Variants in MTHFD2L observed in about 807,000 individuals in gnomAD.
The protein encoded by MTHFD2L is bifunctional methylenetetrahydrofolate dehydrogenase/cyclohydrolase 2, mitochondrial.
Under a neutral mutation model 34.9 loss-of-function variants are expected in MTHFD2L, and 29 were observed. The observed-to-expected ratio is 0.83, with a 90% confidence interval of 0.62 to 1.13. MTHFD2L has a LOEUF of 1.13. Ranked by LOEUF, MTHFD2L falls within the 50% of genes most tolerant of loss-of-function variation. The pLI is 0.00. For missense variants in MTHFD2L, 481 were observed against 446.5 expected, an observed-to-expected ratio of 1.08 and a Z score of -0.70; for synonymous variants, 167 against 155.7, an observed-to-expected ratio of 1.07 and a Z score of -0.54.
At chr4:74,193,777 G>A (rs559081400) in intron 3 of MTHFD2L, among the ~76,000 whole-genome samples, 3 of 151,998 alleles carry the variant, frequency 2.0e-5, no homozygotes, top group Non-Finnish European at 4.4e-5. Context: ...TTGTAATCTT[G>A]CTTAATTCAC....
At chr4:74,266,173 A>G (rs911823000) in intron 6 of MTHFD2L, among the ~76,000 whole-genome samples, 3 of 152,198 alleles carry the variant, frequency 2.0e-5, no homozygotes, top group Non-Finnish European at 2.9e-5. Flanking sequence ...CTCAAGCTTC[A>G]TCTATGTGGA....
At chr4:74,280,150 G>C (rs575017148) in intron 6 of MTHFD2L, 1 of 152,252 alleles carries the variant, frequency 6.6e-6, no homozygotes, top group African/African-American at 2.4e-5. Flanking sequence ...GATGATCACA[G>C]AGTCTTTGAT....
intron 6 of MTHFD2L, among the ~76,000 whole-genome samples, chr4:74,252,633 T>G (rs1356314981): frequency 6.6e-6 from 1 of 152,096 alleles, no homozygotes; most frequent in East Asian, 1.9e-4. Flanking sequence ...AATAAAACTT[T>G]AACACTAAAT....
intron 7 of MTHFD2L, among the ~76,000 whole-genome samples, chr4:74,301,384 A>G: frequency 6.6e-6 from 1 of 152,084 alleles, no homozygotes; most frequent in South Asian, 2.1e-4. Flanking sequence ...TTAGTTAACT[A>G]GAATTACAGG....
chr4:74,238,366 A>G (rs1048878352), intron 6 of MTHFD2L, among the ~76,000 whole-genome samples: 1 of 152,192 alleles, frequency 6.6e-6, no homozygotes, highest in African/African-American at 2.4e-5. Context: ...TTAAAGACAT[A>G]AATGTTAGAC....
intron 1 of MTHFD2L, among the ~76,000 whole-genome samples, chr4:74,163,621 AG>A (rs765126517): frequency 2.4e-4 from 36 of 152,350 alleles, no homozygotes; most frequent in Admixed American, 1.3e-3. Context: ...ATTTTTTTAA[AG>A]AGGTCATAAA....
intron 1 of MTHFD2L, among the ~76,000 whole-genome samples, chr4:74,143,913 A>G (rs1205391849): frequency 6.6e-6 from 1 of 152,226 alleles, no homozygotes; most frequent in Non-Finnish European, 1.5e-5. Flanking sequence ...GCACCAAGTT[A>G]GAAGCTGTGC....
intron 6 of MTHFD2L, among the ~76,000 whole-genome samples, chr4:74,247,887 T>C (rs1235707976): frequency 6.6e-6 from 1 of 152,154 alleles, no homozygotes; most frequent in African/African-American, 2.4e-5. Flanking sequence ...TTTGCCAGTA[T>C]TTTATTGAGA....
intron 7 of MTHFD2L, among the ~76,000 whole-genome samples, chr4:74,285,534 T>C (rs1488682934): frequency 6.6e-6 from 1 of 152,156 alleles, no homozygotes; most frequent in Non-Finnish European, 1.5e-5. Flanking sequence ...TAGTTAGTAG[T>C]AGTTTTACTA....
At chr4:74,297,005 A>G (rs1452339397) in intron 7 of MTHFD2L, among the ~76,000 whole-genome samples, 1 of 152,126 alleles carries the variant, frequency 6.6e-6, no homozygotes, top group African/African-American at 2.4e-5. Context: ...TCTTACATCC[A>G]AAATGACTGT....
intron 7 of MTHFD2L, among the ~76,000 whole-genome samples, chr4:74,288,144 G>C (rs948268924): frequency 6.6e-6 from 1 of 152,090 alleles, no homozygotes; most frequent in African/African-American, 2.4e-5. Context: ...TAAAGACTTT[G>C]TCTCCTGAAA....
At chr4:74,258,678 A>G (rs994714433) in intron 6 of MTHFD2L, among the ~76,000 whole-genome samples, 10 of 152,210 alleles carry the variant, frequency 6.6e-5, no homozygotes, top group Non-Finnish European at 1.3e-4. Flanking sequence ...GAATCGATAC[A>G]AAGTTTTTAG....
chr4:74,184,467 T>A (rs1730770058), intron 3 of MTHFD2L, among the ~76,000 whole-genome samples: 1 of 152,120 alleles, frequency 6.6e-6, no homozygotes, highest in Non-Finnish European at 1.5e-5. Context: ...TTATCAAAAG[T>A]AAATAACAAC....
chr4:74,232,985 C>A (rs905924174), intron 6 of MTHFD2L, among the ~76,000 whole-genome samples: 1 of 152,022 alleles, frequency 6.6e-6, no homozygotes, highest in Non-Finnish European at 1.5e-5. Context: ...TTATTTGCAT[C>A]GTAACCCATA....
At chr4:74,212,011 T>C (rs1258414473) in intron 5 of MTHFD2L, among the ~76,000 whole-genome samples, 1 of 152,232 alleles carries the variant, frequency 6.6e-6, no homozygotes, top group Non-Finnish European at 1.5e-5. Context: ...AGTTTGTATT[T>C]CTGTGGGATC....
intron 5 of MTHFD2L, among the ~76,000 whole-genome samples, chr4:74,208,565 C>T (rs765150492): frequency 1.3e-4 from 19 of 150,560 alleles, no homozygotes; most frequent in Non-Finnish European, 2.4e-4. Flanking sequence ...TCTTGTCATA[C>T]AACCAGGAAA....
chr4:74,175,163 G>T (rs1728784584), intron 2 of MTHFD2L, 118 bp from the exon 3 acceptor site: 6 of 1,047,162 alleles, frequency 5.7e-6, no homozygotes, highest in Non-Finnish European at 8.3e-6. Context: ...TCCTGATGAT[G>T]CATGGAACAT....
intron 7 of MTHFD2L, among the ~76,000 whole-genome samples, chr4:74,295,318 C>T (rs1176530551): frequency 6.6e-6 from 1 of 152,102 alleles, no homozygotes; most frequent in African/African-American, 2.4e-5. Flanking sequence ...TTCCCTGTGT[C>T]TGCATTGCTT....
chr4:74,168,023 C>T (rs577041514), intron 1 of MTHFD2L, among the ~76,000 whole-genome samples: 3 of 150,982 alleles, frequency 2.0e-5, no homozygotes, highest in African/African-American at 7.4e-5. Flanking sequence ...CCTAACTCCC[C>T]ATGATCCCTT....
Sources: gnomAD v4.1 joint callset for allele counts (sites outside exome capture counted in the v4.1 genomes callset) on GRCh38, gnomAD v4.1.1 for gene constraint, MANE v1.5 for transcripts, NCBI Gene and HGNC (gene_info 2026-07-23, HGNC 2026-07-21) for gene names.